The following DCLRE1B variants were observed in gnomAD, a reference collection of about 807,000 sequenced individuals.
DCLRE1B encodes the protein 5' exonuclease Apollo.
In DCLRE1B, 6 loss-of-function variants were observed where a neutral mutation model predicts 19.8. The observed-to-expected ratio is 0.30, with a 90% confidence interval of 0.17 to 0.60. DCLRE1B has a LOEUF of 0.60. Ranked by LOEUF, DCLRE1B falls within the 20% of genes least tolerant of loss-of-function variation. DCLRE1B has a pLI of 0.87. For synonymous variants in DCLRE1B, 258 were observed against 255.7 expected, an observed-to-expected ratio of 1.01 and a Z score of -0.09; for missense variants, 622 against 654.2, an observed-to-expected ratio of 0.95 and a Z score of 0.54.
chr1:113,905,336 C>T lies in DCLRE1B; in HGVS notation c.-251C>T, dbSNP rs751806736. ...CTCCCTGCAGCGCGCGCTTTGAGTGCCCGGCTCGGCCTCCGCTCCCGCGCG... is the reference window on the plus strand; with the variant it reads ...CTCCCTGCAGCGCGCGCTTTGAGTGTCCGGCTCGGCCTCCGCTCCCGCGCG... On this transcript the variant is annotated 5_prime_UTR_variant, in exon 1 of 4. Coordinates refer to ENST00000650450, the MANE Select transcript of DCLRE1B (RefSeq NM_022836.4). The T allele has an allele frequency of 6.0e-5, 30 of 502,926 alleles. No individual in the cohort carries two copies. Among genetic ancestry groups the T allele is most frequent in the Non-Finnish European group, 9.8e-5 (28 of 285,054 alleles). 31.2% of individuals were successfully genotyped at this position (502,926 alleles called of 1,614,324 possible).
Position 113,912,331 on chromosome 1 carries a change from G to A in DCLRE1B, c.*140G>A. On this transcript the variant is annotated 3_prime_UTR_variant, in exon 4 of 4. Coordinates refer to ENST00000650450, the MANE Select transcript of DCLRE1B (RefSeq NM_022836.4). ...ACTCTTATGGGCCCACCGTGGAGCA[G>A]CACTTCCCAAAACTTGTTCACTGGG... is the stretch of plus-strand genomic sequence containing the variant. 2 of 817,366 alleles carry A rather than the reference G, an allele frequency of 2.4e-6. No homozygotes were observed. Among genetic ancestry groups the A allele is most frequent in the Non-Finnish European group, 3.6e-6 (2 of 550,550 alleles). 50.6% of individuals were successfully genotyped at this position (817,366 alleles called of 1,614,324 possible).
Position 113,912,527 on chromosome 1 carries a change from A to G in DCLRE1B, c.*336A>G, listed in dbSNP as rs538582275. 1.4e-4 allele frequency: 28 copies of G among 197,290 alleles called. No individual in the cohort carries two copies. The South Asian group carries it at 1.9e-3, about 14-fold the overall frequency. 12.2% of individuals were successfully genotyped at this position (197,290 alleles called of 1,614,324 possible). On this transcript the variant is annotated 3_prime_UTR_variant, in exon 4 of 4. Coordinates refer to ENST00000650450, the MANE Select transcript of DCLRE1B (RefSeq NM_022836.4). ...TTTCTCAAACTTTTGTGAACATGCA[A>G]TCATCTTATGTGGGTACAGAAAGAG... is the stretch of plus-strand genomic sequence containing the variant.
intron 3 of DCLRE1B, among the ~76,000 whole-genome samples, chr1:113,910,645 G>A (rs1669219104): frequency 6.6e-6 from 1 of 152,050 alleles, no homozygotes; most frequent in South Asian, 2.1e-4. Context: ...GGAACTATAG[G>A]CGTGCACCAA....
Position 113,905,614 on chromosome 1 carries a change from C to T in DCLRE1B, c.28C>T (p.Pro10Ser), listed in dbSNP as rs775773846. The change falls in exon 1 of 4, where the codon CCC becomes TCC. Residue 10 changes from proline (P) to serine (S), a missense_variant. By Grantham distance (74) the Pro-to-Ser change is moderately conservative (BLOSUM62 -1). Coordinates refer to ENST00000650450, the MANE Select transcript of DCLRE1B (RefSeq NM_022836.4). MNGVLIPHT[P>S]IAVDFWSLRR... ...GAATGGGGTCCTGATCCCCCATACGCCCATCGCAGTGGACTTCTGGAGCCT... is the reference window on the plus strand; with the variant it reads ...GAATGGGGTCCTGATCCCCCATACGTCCATCGCAGTGGACTTCTGGAGCCT... 6.2e-7 allele frequency: 1 copy of T among 1,614,194 alleles called. No individual in the cohort carries two copies. The highest frequency in any genetic ancestry group is 8.5e-7 in the Non-Finnish European group (1 of 1,180,042).
At chr1:113,910,836 C>T (rs1261191260) in intron 3 of DCLRE1B, among the ~76,000 whole-genome samples, 1 of 152,124 alleles carries the variant, frequency 6.6e-6, no homozygotes, top group Non-Finnish European at 1.5e-5. Flanking sequence ...TGTGGTTTTT[C>T]TGGGTCTCCT....
chr1:113,904,651 G>C, upstream of DCLRE1B: 1 of 1,613,552 alleles, frequency 6.2e-7, no homozygotes, highest in South Asian at 1.1e-5. Flanking sequence ...CTATCAGCTT[G>C]AATGTGAGGA....
At chr1:113,904,980 T>C (rs745544312), upstream of DCLRE1B, 2 of 470,352 alleles carry the variant, frequency 4.3e-6, no homozygotes, top group Non-Finnish European at 7.9e-6. Flanking sequence ...CACAGATCGC[T>C]CCCGCTACTT....
chr1:113,910,792 G>A (rs909604880), intron 3 of DCLRE1B, among the ~76,000 whole-genome samples: 3 of 152,118 alleles, frequency 2.0e-5, no homozygotes, highest in Non-Finnish European at 2.9e-5. Context: ...CACAGTGCCC[G>A]GCCTGTACAC....
rs1668860125 is a variant in DCLRE1B at position 113,905,449 on chromosome 1, T to G, written c.-138T>G. 1.2e-6 allele frequency: 1 copy of G among 839,308 alleles called. No individual in the cohort carries two copies. Among genetic ancestry groups the G allele is most frequent in the African/African-American group, 1.7e-5 (1 of 58,426 alleles). The allele number at this position is 839,308 out of a possible 1,614,324, so 52.0% of individuals were successfully genotyped here. A position where few individuals can be genotyped will look rare whatever the true frequency, so the allele number is the denominator to read the frequency against. ...TGCCCACTCTGGTAACTTATTGCTC[T>G]GCTGGGCTCTTTCCCTTAGGGTCTC... On this transcript the variant is annotated 5_prime_UTR_variant, in exon 1 of 4. Transcript: ENST00000650450.
At chr1:113,906,194 T>G (rs1434174440) in intron 1 of DCLRE1B, among the ~76,000 whole-genome samples, 1 of 150,350 alleles carries the variant, frequency 6.7e-6, no homozygotes, top group African/African-American at 2.5e-5. Context: ...GTAGCTGAGA[T>G]TACAGGCGCA....
Position 113,912,139 on chromosome 1 carries a change from A to G in DCLRE1B, c.1547A>G (p.Tyr516Cys), listed in dbSNP as rs749695972. Reference sequence around the variant, plus strand: ...CCAGTGAACTTTTTCCAGGCAGGGTATTCTTCCAGGAGATTTGACCAGCAA... The same window carrying G: ...CCAGTGAACTTTTTCCAGGCAGGGTGTTCTTCCAGGAGATTTGACCAGCAA... ...LTPVNFFQAG[Y>C]SSRRFDQQVE... is the part of the protein sequence containing the mutation. Residue 516 changes from tyrosine to cysteine, a missense_variant, in exon 4 of 4, where the codon TAT becomes TGT. Tyr to Cys is a radical substitution (Grantham distance 194). Around this residue, in one of 3 missense-constraint regions of DCLRE1B, gnomAD observed 382 missense variants for 412.5 expected, o/e 0.93. Transcript: ENST00000650450. 1 of 1,614,186 alleles carries G rather than the reference A, an allele frequency of 6.2e-7. No homozygotes were observed. The highest frequency in any genetic ancestry group is 8.5e-7 in the Non-Finnish European group (1 of 1,180,030).
Position 113,911,144 on chromosome 1 carries a change from G to A in DCLRE1B, c.552G>A (p.Leu184=). 2 of 1,613,916 alleles carry A rather than the reference G, an allele frequency of 1.2e-6. No individual in the cohort carries two copies. Among genetic ancestry groups the A allele is most frequent in the Non-Finnish European group, 1.7e-6 (2 of 1,179,928 alleles). Reference sequence around the variant, plus strand: ...AACATTATTTAGGACTCTACAGCCTGGGAAAGGAATCACTGCTGGAGCAGC... The same window carrying A: ...AACATTATTTAGGACTCTACAGCCTAGGAAAGGAATCACTGCTGGAGCAGC... ...QHNIKIGLYS[L]GKESLLEQLA... The change falls in exon 4 of 4, where the codon CTG becomes CTA. Residue 184 remains leucine (L), a synonymous_variant. Transcript: ENST00000650450.
At position 113,911,847 on chromosome 1, in the gene DCLRE1B, C is replaced by A; in HGVS notation, c.1255C>A (p.Gln419Lys). The A allele has an allele frequency of 6.2e-7, 1 of 1,614,224 alleles. No individual in the cohort carries two copies. The highest frequency in any genetic ancestry group is 8.5e-7 in the Non-Finnish European group (1 of 1,180,044). The change falls in exon 4 of 4, where the codon CAA becomes AAA. Residue 419 changes from glutamine to lysine, a missense_variant. This residue lies in a region of DCLRE1B where 382 missense variants were observed against 412.5 expected (regional missense o/e 0.93). Coordinates refer to ENST00000650450, the MANE Select transcript of DCLRE1B (RefSeq NM_022836.4). ...CAAGGCAGTGCCTTTCTGTGAGTCT[C>A]AAAAGAGGGTGACTATGTTGACGGC... is the stretch of plus-strand genomic sequence containing the variant. ...WNKAVPFCES[Q>K]KRVTMLTAPL...
At chr1:113,906,810 G>A (rs894216197) in intron 1 of DCLRE1B, among the ~76,000 whole-genome samples, 186 bp from the exon 2 acceptor site, 4 of 152,132 alleles carry the variant, frequency 2.6e-5, no homozygotes, top group African/African-American at 9.7e-5. Flanking sequence ...CTCTTAAATT[G>A]TACAAAGGGT....
Position 113,911,492 on chromosome 1 carries a change from G to A in DCLRE1B, c.900G>A (p.Arg300=). 1 of 1,614,100 alleles carries A rather than the reference G, an allele frequency of 6.2e-7. No individual in the cohort carries two copies. The part of the protein sequence containing the change: ...KPCQVVPIVS[R]RPCGGFQDSL... ...GCCAGGTGGTGCCCATTGTAAGTCG[G>A]CGGCCCTGTGGAGGCTTTCAGGACA... The change falls in exon 4 of 4, where the codon CGG becomes CGA. Residue 300 remains arginine (R), a synonymous_variant. Coordinates refer to ENST00000650450, the MANE Select transcript of DCLRE1B (RefSeq NM_022836.4).
In DCLRE1B at chr1:113,907,032, G is replaced by C. The variant is rs776471212; in HGVS notation, c.226G>C (p.Glu76Gln). The change falls in exon 2 of 4, where the codon GAG (glutamate) becomes CAG (glutamine). Residue 76 changes from glutamate to glutamine, a missense_variant. Around this residue, in one of 3 missense-constraint regions of DCLRE1B, gnomAD observed 237 missense variants for 223.8 expected, o/e 1.06. Coordinates refer to ENST00000650450, the MANE Select transcript of DCLRE1B (RefSeq NM_022836.4). ...KQWIQALEVG[E>Q]SHVLPLDEIG... ...ATGGATCCAAGCCCTGGAGGTTGGT[G>C]AGAGCCATGTATTACCCCTAGATGA... 1 of 1,613,960 alleles carries C rather than the reference G, an allele frequency of 6.2e-7. No individual in the cohort carries two copies. Among genetic ancestry groups the C allele is most frequent in the Non-Finnish European group, 8.5e-7 (1 of 1,180,000 alleles).
chr1:113,912,100 A>C lies in DCLRE1B; in HGVS notation c.1508A>C (p.Lys503Thr), dbSNP rs140911649. The change falls in exon 4 of 4, where the codon AAA becomes ACA. Residue 503 changes from lysine to threonine, a missense_variant. Around this residue, in one of 3 missense-constraint regions of DCLRE1B, gnomAD observed 382 missense variants for 412.5 expected, o/e 0.93. Coordinates refer to ENST00000650450, the MANE Select transcript of DCLRE1B (RefSeq NM_022836.4). ...ACTGAATTCAGGGGTCTAGCACTCA[A>C]ATATCTTCTGACTCCAGTGAACTTT... Reference protein sequence around the residue: ...LATEFRGLALKYLLTPVNFFQ... With the variant: ...LATEFRGLALTYLLTPVNFFQ... 1.9e-6 allele frequency: 3 copies of C among 1,614,074 alleles called. No individual in the cohort carries two copies. The highest frequency in any genetic ancestry group is 2.7e-5 in the African/African-American group (2 of 74,924).
In DCLRE1B at chr1:113,912,041, G is replaced by A; in HGVS notation, c.1449G>A (p.Leu483=). 1 of 1,614,204 alleles carries A rather than the reference G, an allele frequency of 6.2e-7. No individual in the cohort carries two copies. Among genetic ancestry groups the A allele is most frequent in the Non-Finnish European group, 8.5e-7 (1 of 1,180,026 alleles). Residue 483 remains leucine, a synonymous_variant, in exon 4 of 4, where the codon CTG becomes CTA. Transcript: ENST00000650450. ...QSAWMGHGSP[L]SHSSKGTPLL... ...CCTGGATGGGCCATGGTTCTCCCCT[G>A]TCCCACAGCAGCAAGGGCACCCCTC...
intron 3 of DCLRE1B, among the ~76,000 whole-genome samples, chr1:113,908,707 T>G (rs907041784): frequency 2.0e-5 from 3 of 152,158 alleles, no homozygotes; most frequent in African/African-American, 4.8e-5. Context: ...TTTTTTTCAT[T>G]TTTTTATAGC....
Sources: gnomAD v4.1 joint callset for allele counts (sites outside exome capture counted in the v4.1 genomes callset) on GRCh38, gnomAD v4.1.1 for gene constraint, gnomAD v4.1.1 regional missense constraint, MANE v1.5 for transcripts, NCBI Gene and HGNC (gene_info 2026-07-23, HGNC 2026-07-21) for gene names.